RUSC1: variants seen among roughly 807,000 people sequenced by gnomAD.
The protein encoded by RUSC1 is RUN and SH3 domain containing 1, also known as AP-4 complex accessory subunit RUSC1.
In RUSC1, 40 loss-of-function variants were observed where a neutral mutation model predicts 72.1. The ratio of observed to expected loss-of-function variants is 0.55; its 90% confidence interval spans 0.43 to 0.72. RUSC1 has a LOEUF of 0.72. RUSC1 is among the 30% of genes least tolerant of loss of function. RUSC1 has a pLI of 0.00. For synonymous variants in RUSC1, 512 were observed against 494.2 expected (o/e 1.04, Z -0.48); for missense variants, 1,092 against 1,172.3 (o/e 0.93, Z 1.00).
chr1:155,325,515 G>C lies in RUSC1; in HGVS notation c.1708+25G>C, dbSNP rs777707288. On this transcript the variant is annotated intron_variant, in intron 5 of 9. Coordinates refer to ENST00000368352, the MANE Select transcript of RUSC1 (RefSeq NM_001105203.2). The surrounding 1 kb of genome is among the most constrained non-coding windows in gnomAD (Gnocchi z 6.5). Reference sequence around the variant, plus strand: ...GGTGAGCCAGGAGGGCGTGGGACCCGGCAGTGCGCAGGGCAGGGCCGGGCT... The same window carrying C: ...GGTGAGCCAGGAGGGCGTGGGACCCCGCAGTGCGCAGGGCAGGGCCGGGCT... 2.5e-6 allele frequency: 4 copies of C among 1,602,384 alleles called. No individual in the cohort carries two copies. The highest frequency in any genetic ancestry group is 1.7e-6 in the Non-Finnish European group (2 of 1,177,302).
Position 155,328,147 on chromosome 1 carries a change from T to C in RUSC1, c.2415-3T>C, listed in dbSNP as rs199880851. On this transcript the variant is annotated splice_polypyrimidine_tract_variant and splice_region_variant and intron_variant, in intron 8 of 9. Coordinates refer to ENST00000368352, the MANE Select transcript of RUSC1 (RefSeq NM_001105203.2). ...AGCTGTGACCCTATGTCCCTTCTTT[T>C]AGGAGACCATCTAGCTGGCTGCCCC... 13 of 1,612,160 alleles carry C rather than the reference T, an allele frequency of 8.1e-6. No individual in the cohort carries two copies. Among genetic ancestry groups the C allele is most frequent in the Middle Eastern group, 1.7e-4 (1 of 6,056 alleles).
intron 1 of RUSC1, chr1:155,321,289 C>T (rs372639336): frequency 4.4e-6 from 6 of 1,370,018 alleles, no homozygotes; most frequent in Non-Finnish European, 5.9e-6. Context: ...GCCCCACCCC[C>T]ATCCTCCACC....
At chr1:155,324,999 G>C in intron 3 of RUSC1, 56 bp downstream of exon 3, 1 of 1,613,796 alleles carries the variant, frequency 6.2e-7, no homozygotes, top group Non-Finnish European at 8.5e-7. Flanking sequence ...CTTCGCCCCC[G>C]GCCCTGCTCT....
rs1222897677 is a variant in RUSC1, at chr1:155,328,293, G to C, written c.2540+18G>C. The C allele has an allele frequency of 6.3e-7, 1 of 1,598,404 alleles. No homozygotes were observed. Among genetic ancestry groups the C allele is most frequent in the Admixed American group, 1.7e-5 (1 of 58,864 alleles). On this transcript the variant is annotated intron_variant, in intron 9 of 9. Transcript: ENST00000368352. ...ACCCATAGGTAAGGAGGATTGGGGA[G>C]AATGCACTAGTGTGTAACCATGTAT...
rs1557986372 is a variant in RUSC1 at position 155,320,934 on chromosome 1, C to G, written c.-144C>G. On this transcript the variant is annotated 5_prime_UTR_variant, in exon 1 of 10. Coordinates refer to ENST00000368352, the MANE Select transcript of RUSC1 (RefSeq NM_001105203.2). Reference sequence around the variant, plus strand: ...CCCTCCCGCTCTGTGCCCCGCCGGGCGGGGACCGTGGGAGCCGCGGACAAG... The same window carrying G: ...CCCTCCCGCTCTGTGCCCCGCCGGGGGGGGACCGTGGGAGCCGCGGACAAG... The G allele has an allele frequency of 1.3e-6, 2 of 1,573,704 alleles. No individual in the cohort carries two copies. The highest frequency in any genetic ancestry group is 2.2e-5 in the South Asian group (2 of 89,194).
chr1:155,321,459 A>C (rs768551491), intron 1 of RUSC1: 29 of 1,444,472 alleles, frequency 2.0e-5, no homozygotes, highest in South Asian at 1.7e-4. Context: ...TCCAGAGCGC[A>C]GCCGCGTTCT....
chr1:155,327,620 CT>C (rs1651559824), intron 8 of RUSC1, among the ~76,000 whole-genome samples: 1 of 152,186 alleles, frequency 6.6e-6, no homozygotes, highest in Non-Finnish European at 1.5e-5. Flanking sequence ...TGGTGAAACC[CT>C]GTCTCTACAG....
chr1:155,326,951 A>G lies in RUSC1; in HGVS notation c.2233A>G (p.Thr745Ala). ...QASRVYASGG[T>A]EGFPLSRWAP... ...CTCCCGGGTCTATGCCTCTGGGGGC[A>G]CTGAGGGCTTTCCTCTTTCCCGATG... is the stretch of plus-strand genomic sequence containing the variant. Residue 745 changes from threonine (T) to alanine (A), a missense_variant, in exon 8 of 10, where the codon ACT (threonine) becomes GCT (alanine). Thr to Ala is a moderately conservative substitution (Grantham distance 58). Transcript: ENST00000368352. The surrounding 1 kb of genome is among the most constrained non-coding windows in gnomAD (Gnocchi z 4.7). The G allele has an allele frequency of 6.2e-7, 1 of 1,613,800 alleles. No homozygotes were observed. Among genetic ancestry groups the G allele is most frequent in the Non-Finnish European group, 8.5e-7 (1 of 1,180,028 alleles).
In RUSC1 at chr1:155,320,951, G is replaced by C. The variant is rs772556955; in HGVS notation, c.-127G>C. On this transcript the variant is annotated 5_prime_UTR_variant, in exon 1 of 10. Transcript: ENST00000368352. The stretch of plus-strand genomic sequence containing the variant: ...CCGCCGGGCGGGGACCGTGGGAGCC[G>C]CGGACAAGCCCAAGGCCGGAGCGGT... The C allele has an allele frequency of 3.6e-5, 57 of 1,563,658 alleles. No homozygotes were observed. The highest frequency in any genetic ancestry group is 4.9e-5 in the Non-Finnish European group (56 of 1,152,180).
Position 155,322,846 on chromosome 1 carries a change from C to G in RUSC1, c.1073C>G (p.Pro358Arg). ...PDTELPPSGS[P>R]GGSSAPPREV... ...ACCGAGCTCCCCCCCTCGGGGTCGC[C>G]GGGCGGCTCCTCGGCACCTCCTCGG... The change falls in exon 2 of 10, where the codon CCG becomes CGG. Residue 358 changes from proline to arginine, a missense_variant. By Grantham distance (103) the Pro-to-Arg change is moderately radical (BLOSUM62 -2). Coordinates refer to ENST00000368352, the MANE Select transcript of RUSC1 (RefSeq NM_001105203.2). The G allele has an allele frequency of 6.2e-7, 1 of 1,613,366 alleles. No individual in the cohort carries two copies. Among genetic ancestry groups the G allele is most frequent in the Non-Finnish European group, 8.5e-7 (1 of 1,179,832 alleles).
chr1:155,325,161 C>T lies in RUSC1; in HGVS notation c.1516C>T (p.Arg506Trp), dbSNP rs199779677. ...DKIISHFGAA[R>W]NLVQKAQLGD... Reference sequence around the variant, plus strand: ...AATCATCTCGCATTTCGGGGCCGCCCGGAACTTGGTGCAGAAGGTGAAGGT... The same window carrying T: ...AATCATCTCGCATTTCGGGGCCGCCTGGAACTTGGTGCAGAAGGTGAAGGT... The change falls in exon 4 of 10, where the codon CGG (arginine) becomes TGG (tryptophan). Residue 506 changes from arginine (R) to tryptophan (W), a missense_variant. By Grantham distance (101) the Arg-to-Trp change is moderately radical. Transcript: ENST00000368352. The surrounding 1 kb of genome is among the most constrained non-coding windows in gnomAD (Gnocchi z 6.5). 2.8e-5 allele frequency: 45 copies of T among 1,614,094 alleles called. No homozygotes were observed. Among genetic ancestry groups the T allele is most frequent in the East Asian group, 4.5e-5 (2 of 44,900 alleles).
chr1:155,329,716 C>T lies in RUSC1; in HGVS notation c.2541-687C>T, dbSNP rs572378971. The stretch of plus-strand genomic sequence containing the variant: ...CTAAACATTTTATAAAAGCATTTGG[C>T]GGCCGGGCGTGGTGGATCACCTGAA... On this transcript the variant is annotated intron_variant, in intron 9 of 9. Transcript: ENST00000368352. Among the ~76,000 whole-genome samples, 5 of 147,992 alleles carry T rather than the reference C, an allele frequency of 3.4e-5. No individual in the cohort carries two copies. The East Asian group carries it at 6.5e-4, about 19-fold the overall frequency.
intron 8 of RUSC1, among the ~76,000 whole-genome samples, chr1:155,327,948 G>A (rs1220680782): frequency 3.9e-5 from 6 of 152,218 alleles, no homozygotes; most frequent in Admixed American, 2.6e-4. Flanking sequence ...GATTTGTGGT[G>A]TTGTGGACTT....
intron 9 of RUSC1, 82 bp from the exon 10 acceptor site, chr1:155,330,321 G>T: frequency 1.4e-6 from 2 of 1,401,844 alleles, no homozygotes; most frequent in East Asian, 2.4e-5. Context: ...AAACCAACAA[G>T]GGCACTCTAG....
In RUSC1 at chr1:155,322,258, G is replaced by A; in HGVS notation, c.485G>A (p.Cys162Tyr). The A allele has an allele frequency of 1.2e-6, 2 of 1,613,038 alleles. No individual in the cohort carries two copies. The highest frequency in any genetic ancestry group is 1.7e-6 in the Non-Finnish European group (2 of 1,179,242). The change falls in exon 2 of 10, where the codon TGC becomes TAC. Residue 162 changes from cysteine to tyrosine, a missense_variant. Physicochemically the swap from Cys to Tyr is radical, Grantham distance 194 (BLOSUM62 -2). Transcript: ENST00000368352. ...PGTCSPDSFC[C>Y]SPDSCSGASS... ...ACCTGCTCACCGGACAGCTTCTGCT[G>A]CTCTCCTGATTCCTGCTCCGGAGCT...
At position 155,325,297 on chromosome 1, in the gene RUSC1, G is replaced by C. The variant is rs772282787; in HGVS notation, c.1534-19G>C. 1 of 1,604,294 alleles carries C rather than the reference G, an allele frequency of 6.2e-7. No individual in the cohort carries two copies. The highest frequency in any genetic ancestry group is 8.5e-7 in the Non-Finnish European group (1 of 1,179,386). On this transcript the variant is annotated intron_variant, in intron 4 of 9. Transcript: ENST00000368352. The surrounding 1 kb of genome is among the most constrained non-coding windows in gnomAD (Gnocchi z 6.5). ...GTCTGGAGGGATCTCTGGAGCCATC[G>C]GCATCGCGCCACCTCCAGGCCCAGT...
chr1:155,321,083 G>A (rs779865313), intron 1 of RUSC1, 92 bp downstream of exon 1: 8 of 1,404,494 alleles, frequency 5.7e-6, no homozygotes, highest in Non-Finnish European at 7.6e-6. Context: ...AATAGAGAAA[G>A]GGTGCGGTGG....
chr1:155,321,764 C>T lies in RUSC1; in HGVS notation c.-10C>T, dbSNP rs764239398. On this transcript the variant is annotated 5_prime_UTR_variant, in exon 2 of 10. Coordinates refer to ENST00000368352, the MANE Select transcript of RUSC1 (RefSeq NM_001105203.2). ...GGTTCTCTAGAAGCCATCCCATCGC[C>T]GCTAGCATCATGCTGTCCCCTCAGA... 3.1e-6 allele frequency: 5 copies of T among 1,613,928 alleles called. No homozygotes were observed. Among genetic ancestry groups the T allele is most frequent in the South Asian group, 2.2e-5 (2 of 91,058 alleles).
Position 155,322,829 on chromosome 1 carries a change from C to A in RUSC1, c.1056C>A (p.Leu352=), listed in dbSNP as rs533502917. Reference sequence around the variant, plus strand: ...TAGTCTTCTCGCCCGACACCGAGCTCCCCCCCTCGGGGTCGCCGGGCGGCT... The same window carrying A: ...TAGTCTTCTCGCCCGACACCGAGCTACCCCCCTCGGGGTCGCCGGGCGGCT... The part of the protein sequence containing the change: ...WLIVFSPDTE[L]PPSGSPGGSS... Residue 352 remains leucine, a synonymous_variant, in exon 2 of 10, where the codon CTC becomes CTA. Transcript: ENST00000368352. The A allele has an allele frequency of 2.7e-5, 43 of 1,613,110 alleles. No homozygotes were observed. The East Asian group carries it at 8.5e-4, about 32-fold the overall frequency.
Sources: gnomAD v4.1 joint callset for allele counts (sites outside exome capture counted in the v4.1 genomes callset) on GRCh38, gnomAD v4.1.1 for gene constraint, Gnocchi (gnomAD v3.1) non-coding constraint, MANE v1.5 for transcripts, NCBI Gene and HGNC (gene_info 2026-07-23, HGNC 2026-07-21) for gene names.